Variants in ZBTB5 observed in about 807,000 individuals in gnomAD.
The protein encoded by ZBTB5 is zinc finger and BTB domain containing 5, also known as zinc finger and BTB domain-containing protein 5.
Under a neutral mutation model 37.9 loss-of-function variants are expected in ZBTB5, and 15 were observed. That is an observed-to-expected ratio of 0.40 (90% CI 0.26 to 0.61). ZBTB5 has a LOEUF of 0.61. Among genes scored for constraint, ZBTB5 ranks in the 20% least tolerant of loss-of-function variants. The pLI is 0.47. For synonymous variants in ZBTB5, 315 were observed against 312.4 expected, an observed-to-expected ratio of 1.01 and a Z score of -0.09; for missense variants, 708 against 856.8, an observed-to-expected ratio of 0.83 and a Z score of 2.17.
rs10973346 is a variant in ZBTB5 at position 37,458,146 on chromosome 9, T to C, written c.-5+7069A>G. ...TGATGGGAAGGCTGGATACGTAAGATTGAACTGGGAAGAAATTAAGCTAGG... is the reference window on the plus strand; with the variant it reads ...TGATGGGAAGGCTGGATACGTAAGACTGAACTGGGAAGAAATTAAGCTAGG... On this transcript the variant is annotated intron_variant, in intron 1 of 1. Transcript: ENST00000307750. 7.1e-3 allele frequency among the ~76,000 whole-genome samples: 1,087 copies of C among 152,360 alleles called. 9 individuals are homozygous for C. Among genetic ancestry groups the C allele is most frequent in the Middle Eastern group, 0.017 (5 of 294 alleles).
At position 37,442,450 on chromosome 9, in the gene ZBTB5, G is replaced by C. The variant is rs781724454; in HGVS notation, c.102C>G (p.His34Gln). The C allele has an allele frequency of 6.2e-7, 1 of 1,614,150 alleles. No homozygotes were observed. Among genetic ancestry groups the C allele is most frequent in the South Asian group, 1.1e-5 (1 of 91,064 alleles). Residue 34 changes from histidine to glutamine, a missense_variant, in exon 2 of 2, where the codon CAC becomes CAG. Coordinates refer to ENST00000307750, the MANE Select transcript of ZBTB5 (RefSeq NM_014872.3). ...CDCVIVVGNRHFKAHRSVLAA... is the reference protein window; with the variant it reads ...CDCVIVVGNRQFKAHRSVLAA... ...CCAGCACGGAGCGGTGGGCTTTAAA[G>C]TGTCTATTCCCCACTACAATGACAC...
intron 1 of ZBTB5, among the ~76,000 whole-genome samples, chr9:37,461,905 C>A (rs907201892): frequency 3.9e-5 from 6 of 152,214 alleles, no homozygotes; most frequent in Non-Finnish European, 7.3e-5. Flanking sequence ...AAATATCACG[C>A]TCGATAGGCT....
At chr9:37,460,740 G>A (rs1370901308) in intron 1 of ZBTB5, among the ~76,000 whole-genome samples, 1 of 151,976 alleles carries the variant, frequency 6.6e-6, no homozygotes. Flanking sequence ...GGTGGTGCAT[G>A]CCTGTAGTCC....
intron 1 of ZBTB5, among the ~76,000 whole-genome samples, chr9:37,461,654 G>A (rs1273848230): frequency 1.3e-5 from 2 of 152,102 alleles, no homozygotes; most frequent in Admixed American, 1.3e-4. Flanking sequence ...TTTGAACCCA[G>A]GAGGCGGAGG....
At chr9:37,459,957 G>T (rs1397534823) in intron 1 of ZBTB5, among the ~76,000 whole-genome samples, 1 of 151,336 alleles carries the variant, frequency 6.6e-6, no homozygotes, top group African/African-American at 2.4e-5. Context: ...TGATCTGTCC[G>T]TCTCGGCCTC....
chr9:37,452,560 A>T (rs1008520907), intron 1 of ZBTB5, among the ~76,000 whole-genome samples: 12 of 152,224 alleles, frequency 7.9e-5, no homozygotes, highest in African/African-American at 2.9e-4. Flanking sequence ...CATAAGAGAA[A>T]GATTCAAGTG....
At chr9:37,460,650 G>C (rs901038099) in intron 1 of ZBTB5, among the ~76,000 whole-genome samples, 3 of 152,088 alleles carry the variant, frequency 2.0e-5, no homozygotes, top group Non-Finnish European at 4.4e-5. Context: ...AGAAATGCTT[G>C]AGTCCAGGAG....
At chr9:37,450,825 A>C (rs1429314316) in intron 1 of ZBTB5, among the ~76,000 whole-genome samples, 1 of 151,622 alleles carries the variant, frequency 6.6e-6, no homozygotes, top group Non-Finnish European at 1.5e-5. Context: ...AGATCACACC[A>C]CTGCACCCCA....
chr9:37,453,040 C>G (rs1824129485), intron 1 of ZBTB5, among the ~76,000 whole-genome samples: 1 of 152,208 alleles, frequency 6.6e-6, no homozygotes, highest in Non-Finnish European at 1.5e-5. Context: ...TAAACAGATG[C>G]TACTGTCTAT....
At chr9:37,447,231 G>A (rs1824006601) in intron 1 of ZBTB5, among the ~76,000 whole-genome samples, 1 of 152,176 alleles carries the variant, frequency 6.6e-6, no homozygotes, top group African/African-American at 2.4e-5. Context: ...AGTGTGTGAA[G>A]GAGAAACTGT....
chr9:37,444,796 G>A (rs1474108137), intron 1 of ZBTB5, among the ~76,000 whole-genome samples: 1 of 152,116 alleles, frequency 6.6e-6, no homozygotes, highest in Non-Finnish European at 1.5e-5. Flanking sequence ...CCTTTCTCAG[G>A]AGGCGACTAA....
chr9:37,443,023 C>T (rs897619013), intron 1 of ZBTB5, among the ~76,000 whole-genome samples: 2 of 152,180 alleles, frequency 1.3e-5, no homozygotes, highest in Non-Finnish European at 2.9e-5. Context: ...TGCACACACG[C>T]ATTTGCCCCG....
At position 37,465,429 on chromosome 9, in the gene ZBTB5, C is replaced by A. The variant is rs760174780; in HGVS notation, c.-219G>T. 3.3e-5 allele frequency: 5 copies of A among 151,824 alleles called. No individual in the cohort carries two copies. The highest frequency in any genetic ancestry group is 6.6e-5 in the Admixed American group (1 of 15,250). 9.4% of individuals were successfully genotyped at this position (151,824 alleles called of 1,614,324 possible). A position where few individuals can be genotyped will look rare whatever the true frequency, so the allele number is the denominator to read the frequency against. On this transcript the variant is annotated 5_prime_UTR_variant, in exon 1 of 2. Transcript: ENST00000307750. ...GCACTCTGAGAACACGGCGGCGGCG[C>A]CCGAGGATAAGCGGAAGTGACGTAA...
chr9:37,462,827 T>C (rs1034107202), intron 1 of ZBTB5, among the ~76,000 whole-genome samples: 25 of 152,144 alleles, frequency 1.6e-4, no homozygotes, highest in Middle Eastern at 3.4e-3. Context: ...GCCTCCCCAA[T>C]TGCAGTAATT....
Position 37,442,586 on chromosome 9 carries a change from G to A in ZBTB5, c.-4-31C>T, listed in dbSNP as rs754970854. The A allele has an allele frequency of 1.9e-4, 297 of 1,534,866 alleles. 1 individual carries two copies. The highest frequency in any genetic ancestry group is 2.5e-4 in the Non-Finnish European group (282 of 1,133,078). The stretch of plus-strand genomic sequence containing the variant: ...GAAAAACAAAGAAAGAAAATGTTAA[G>A]ACCTAGAAAAGCTTCAAAGTCAGAA... On this transcript the variant is annotated intron_variant, in intron 1 of 1. Coordinates refer to ENST00000307750, the MANE Select transcript of ZBTB5 (RefSeq NM_014872.3).
chr9:37,461,082 T>C (rs180763785), intron 1 of ZBTB5, among the ~76,000 whole-genome samples: 2 of 152,312 alleles, frequency 1.3e-5, no homozygotes, highest in African/African-American at 4.8e-5. Flanking sequence ...GCTCAGCAAG[T>C]GACCTTCACT....
rs752779286 is a variant in ZBTB5, at chr9:37,441,810, C to T, written c.742G>A (p.Gly248Arg). The change falls in exon 2 of 2, where the codon GGA (glycine) becomes AGA (arginine). Residue 248 changes from glycine to arginine, a missense_variant. Physicochemically the swap from Gly to Arg is moderately radical, Grantham distance 125. This residue lies in a region of ZBTB5 where 639 missense variants were observed against 690.5 expected (regional missense o/e 0.93). Transcript: ENST00000307750. ...CTATCTTCCTGGTTATCAGTCATTC[C>T]ATCAGCTTTAGGATTATCCACAATT... is the stretch of plus-strand genomic sequence containing the variant. ...LKIVDNPKAD[G>R]MTDNQEDSAI... 7.5e-5 allele frequency: 121 copies of T among 1,613,946 alleles called. No individual in the cohort carries two copies. The highest frequency in any genetic ancestry group is 8.4e-5 in the Non-Finnish European group (99 of 1,180,020).
Position 37,440,689 on chromosome 9 carries a change from A to AGTTTTGCAGCAG in ZBTB5, c.1851_1862dup (p.Cys618_Thr621dup). On this transcript the variant is annotated inframe_insertion, in exon 2 of 2. Coordinates refer to ENST00000307750, the MANE Select transcript of ZBTB5 (RefSeq NM_014872.3). The stretch of plus-strand genomic sequence containing the variant: ...TCTTGCAATCTGTCAAAGTCAGAAA[A>AGTTTTGCAGCAG]GTTTTGCAGCAGATTTTGCAGGCAT... 1 of 1,614,254 alleles carries AGTTTTGCAGCAG rather than the reference A, an allele frequency of 6.2e-7. No individual in the cohort carries two copies. The highest frequency in any genetic ancestry group is 8.5e-7 in the Non-Finnish European group (1 of 1,180,044).
chr9:37,446,813 T>C (rs1824000508), intron 1 of ZBTB5, among the ~76,000 whole-genome samples: 1 of 152,220 alleles, frequency 6.6e-6, no homozygotes, highest in African/African-American at 2.4e-5. Flanking sequence ...AGTACACTCA[T>C]ATATGAATAA....
Sources: gnomAD v4.1 joint callset for allele counts (sites outside exome capture counted in the v4.1 genomes callset) on GRCh38, gnomAD v4.1.1 for gene constraint, gnomAD v4.1.1 regional missense constraint, MANE v1.5 for transcripts, NCBI Gene and HGNC (gene_info 2026-07-23, HGNC 2026-07-21) for gene names.